The following NEDD4L variants were observed in gnomAD, a reference collection of about 807,000 sequenced individuals.
The protein encoded by NEDD4L is E3 ubiquitin-protein ligase NEDD4-like.
In NEDD4L, 54 loss-of-function variants were observed where a neutral mutation model predicts 148.9. That is an observed-to-expected ratio of 0.36 (90% confidence interval 0.29 to 0.45). NEDD4L has a LOEUF of 0.45. NEDD4L is among the 20% of genes least tolerant of loss of function. The pLI, the probability that NEDD4L is intolerant of heterozygous loss-of-function variation, is 1.00. For missense variants in NEDD4L, 856 were observed against 1,233.8 expected (o/e 0.69, Z 4.59); for synonymous variants, 433 against 440.7 (o/e 0.98, Z 0.22).
rs771263533 is a variant in NEDD4L at position 58,348,326 on chromosome 18, C to CTTTT, written c.1576-1191_1576-1188dup. 2.1e-3 allele frequency among the ~76,000 whole-genome samples: 184 copies of CTTTT among 88,568 alleles called. 7 individuals carry two copies. The highest frequency in any genetic ancestry group is 5.1e-3 in the African/African-American group (94 of 18,516). 58.1% of individuals were successfully genotyped at this position (88,568 alleles called of 152,430 possible). A position where few individuals can be genotyped will look rare whatever the true frequency, so the allele number is the denominator to read the frequency against. On this transcript the variant is annotated intron_variant, in intron 16 of 30. Transcript: ENST00000400345. ...CACTGCATTTCTTTTTCTTTTTTTT[C>CTTTT]TTTTTTTTTTTTTTTTTTTTTTTGA... is the stretch of plus-strand genomic sequence containing the variant.
intron 16 of NEDD4L, among the ~76,000 whole-genome samples, chr18:58,347,150 C>A (rs2043173543): frequency 6.6e-6 from 1 of 151,924 alleles, no homozygotes; most frequent in Non-Finnish European, 1.5e-5. Flanking sequence ...TCATGCTCTG[C>A]CCCTCACTGC....
intron 2 of NEDD4L, among the ~76,000 whole-genome samples, chr18:58,177,186 G>GC (rs2038269079): frequency 6.6e-6 from 1 of 151,820 alleles, no homozygotes; most frequent in Admixed American, 6.6e-5. Flanking sequence ...GTGCCCCCAC[G>GC]CCCGTGCCCT....
chr18:58,092,908 T>A (rs1395922858), intron 1 of NEDD4L, among the ~76,000 whole-genome samples: 1 of 150,166 alleles, frequency 6.7e-6, no homozygotes, highest in Non-Finnish European at 1.5e-5. Flanking sequence ...TCCCCCAGGC[T>A]GGAGTGCAGT....
At chr18:58,289,457 A>G (rs580763) in intron 5 of NEDD4L, among the ~76,000 whole-genome samples, 5 of 152,204 alleles carry the variant, frequency 3.3e-5, no homozygotes, top group Non-Finnish European at 7.3e-5. Flanking sequence ...TATTCCGTGT[A>G]TTGACTTTTT....
chr18:58,347,378 T>G (rs2043236524), intron 16 of NEDD4L, among the ~76,000 whole-genome samples: 1 of 152,024 alleles, frequency 6.6e-6, no homozygotes, highest in African/African-American at 2.4e-5. Context: ...AAATCTGGCA[T>G]GGTCATAGGC....
chr18:58,180,925 G>C (rs1053085262), intron 2 of NEDD4L, among the ~76,000 whole-genome samples: 1 of 152,126 alleles, frequency 6.6e-6, no homozygotes, highest in Admixed American at 6.5e-5. Flanking sequence ...GTATTGGGGG[G>C]GTTACAGCAC....
At chr18:58,196,635 A>C (rs927394818) in intron 2 of NEDD4L, among the ~76,000 whole-genome samples, 1 of 151,574 alleles carries the variant, frequency 6.6e-6, no homozygotes, top group African/African-American at 2.4e-5. Flanking sequence ...AGATGTAGAA[A>C]TTAATCTGTC....
At chr18:58,208,235 A>G (rs111348105) in intron 2 of NEDD4L, among the ~76,000 whole-genome samples, 2 of 152,186 alleles carry the variant, frequency 1.3e-5, no homozygotes, top group Admixed American at 6.5e-5. Context: ...ACATATGAAC[A>G]TTGTCATTTT....
chr18:58,215,674 C>T (rs1388110043), intron 2 of NEDD4L, among the ~76,000 whole-genome samples: 2 of 151,946 alleles, frequency 1.3e-5, no homozygotes, highest in African/African-American at 2.4e-5. Flanking sequence ...AATTTCCCCA[C>T]TCTAATTGTG....
At chr18:58,327,914 T>C (rs1383808983) in intron 9 of NEDD4L, among the ~76,000 whole-genome samples, 1 of 152,086 alleles carries the variant, frequency 6.6e-6, no homozygotes, top group East Asian at 1.9e-4. Context: ...CAAAGTATGA[T>C]TGCCTATAAT....
At chr18:58,171,533 T>A (rs2037505998) in intron 2 of NEDD4L, among the ~76,000 whole-genome samples, 1 of 152,270 alleles carries the variant, frequency 6.6e-6, no homozygotes, top group African/African-American at 2.4e-5. Context: ...CCCCTTGTCT[T>A]AGCGGACTTG....
intron 2 of NEDD4L, among the ~76,000 whole-genome samples, chr18:58,195,953 G>A (rs1049918103): frequency 2.6e-5 from 4 of 152,190 alleles, no homozygotes; most frequent in Non-Finnish European, 4.4e-5. Context: ...AATTATTTAT[G>A]TATTTAACCT....
intron 1 of NEDD4L, among the ~76,000 whole-genome samples, chr18:58,125,415 C>T (rs1441761092): frequency 6.6e-6 from 1 of 151,838 alleles, no homozygotes; most frequent in East Asian, 1.9e-4. Flanking sequence ...TTGAGGCAGG[C>T]TTTCATGTCA....
At chr18:58,073,870 C>T (rs912599805) in intron 1 of NEDD4L, among the ~76,000 whole-genome samples, 2 of 152,126 alleles carry the variant, frequency 1.3e-5, no homozygotes, top group African/African-American at 4.8e-5. Context: ...CTCAATAAAA[C>T]GTATTTAAAA....
At chr18:58,359,958 T>A (rs1227219054) in intron 19 of NEDD4L, 1 of 152,244 alleles carries the variant, frequency 6.6e-6, no homozygotes, top group Non-Finnish European at 1.5e-5. Flanking sequence ...TTGACCTCTC[T>A]GAAGTTCAGC....
At chr18:58,324,270 A>G (rs1015370925) in intron 8 of NEDD4L, among the ~76,000 whole-genome samples, 5 of 152,222 alleles carry the variant, frequency 3.3e-5, no homozygotes, top group African/African-American at 1.2e-4. Context: ...TTTTCCAGTG[A>G]TTTTAGCAGA....
intron 2 of NEDD4L, among the ~76,000 whole-genome samples, chr18:58,220,431 T>C (rs982661872): frequency 2.0e-5 from 3 of 150,482 alleles, no homozygotes; most frequent in African/African-American, 7.3e-5. Flanking sequence ...TGGTTGGCAC[T>C]GTCCCCCTGT....
chr18:58,281,018 C>G (rs1434340565), intron 5 of NEDD4L, among the ~76,000 whole-genome samples: 1 of 152,074 alleles, frequency 6.6e-6, no homozygotes. Context: ...CTCTGTTGCC[C>G]AGGCTGGAGT....
intron 24 of NEDD4L, among the ~76,000 whole-genome samples, chr18:58,375,820 G>A (rs969596273): frequency 1.3e-5 from 2 of 152,164 alleles, no homozygotes; most frequent in Non-Finnish European, 2.9e-5. Flanking sequence ...AAGGTGGTAA[G>A]TAATAGAAAT....
Sources: allele counts gnomAD v4.1 joint callset (sites outside exome capture counted in the v4.1 genomes callset), GRCh38; gene constraint gnomAD v4.1.1; transcripts MANE v1.5; gene names NCBI Gene and HGNC (gene_info 2026-07-23, HGNC 2026-07-21).